The following MARCHF7 variants were observed in gnomAD, a reference collection of about 807,000 sequenced individuals.
MARCHF7 encodes the protein membrane associated ring-CH-type finger 7.
Under a neutral mutation model 76.5 loss-of-function variants are expected in MARCHF7, and 20 were observed. The ratio of observed to expected loss-of-function variants is 0.26; its 90% CI spans 0.18 to 0.38. MARCHF7 has a LOEUF of 0.38. Ranked by LOEUF, MARCHF7 falls within the 10% of genes least tolerant of loss-of-function variation. The probability of loss-of-function intolerance (pLI) is 1.00; values close to 1 mark genes in which losing one functional copy is unlikely to be tolerated. For synonymous variants in MARCHF7, 295 were observed against 293.0 expected, an observed-to-expected ratio of 1.01 and a Z score of -0.07; for missense variants, 797 against 812.9, an observed-to-expected ratio of 0.98 and a Z score of 0.24.
At chr2:159,720,260 G>A (rs372350405) in intron 3 of MARCHF7, among the ~76,000 whole-genome samples, 2 of 152,140 alleles carry the variant, frequency 1.3e-5, no homozygotes, top group Non-Finnish European at 2.9e-5. Context: ...TCATGACCTC[G>A]TGATCCTCCT....
intron 9 of MARCHF7, among the ~76,000 whole-genome samples, chr2:159,761,701 C>T (rs1035684882): frequency 9.2e-5 from 14 of 152,200 alleles, no homozygotes; most frequent in Admixed American, 1.3e-4. Flanking sequence ...CGTGAGCCAC[C>T]GCACATGGCC....
chr2:159,726,355 C>T (rs1306396012), intron 3 of MARCHF7, among the ~76,000 whole-genome samples: 2 of 152,076 alleles, frequency 1.3e-5, no homozygotes, highest in Non-Finnish European at 2.9e-5. Flanking sequence ...CTCCGCCTCC[C>T]GGGTTCACGC....
At chr2:159,745,142 A>T (rs1335649409) in intron 5 of MARCHF7, among the ~76,000 whole-genome samples, 1 of 152,100 alleles carries the variant, frequency 6.6e-6, no homozygotes. Context: ...CAAGATTTAC[A>T]TTTTTGTTCT....
rs548238450 is a variant in MARCHF7, at chr2:159,734,756, G to C, written c.153+5581G>C. 4.6e-5 allele frequency among the ~76,000 whole-genome samples: 7 copies of C among 150,564 alleles called. No homozygotes were observed. The East Asian group carries it at 1.4e-3, about 29-fold the overall frequency. The stretch of plus-strand genomic sequence containing the variant: ...GGAGGCCAAGGTGGGAGGGTCACTT[G>C]TGGCCAGGAGTTCGAGACCAGTCTG... On this transcript the variant is annotated intron_variant, in intron 4 of 11. Transcript: ENST00000409175.
At chr2:159,727,087 A>G (rs965919490) in intron 3 of MARCHF7, among the ~76,000 whole-genome samples, 4 of 152,248 alleles carry the variant, frequency 2.6e-5, no homozygotes, top group South Asian at 4.1e-4. Context: ...CCTGTTCTTG[A>G]GTGATGCATA....
At chr2:159,714,133 G>T (rs1465222851) in intron 1 of MARCHF7, among the ~76,000 whole-genome samples, 1 of 152,086 alleles carries the variant, frequency 6.6e-6, no homozygotes, top group Non-Finnish European at 1.5e-5. Context: ...TTTTTAGTCC[G>T]CTCCATACCC....
rs1705111924 is a variant in MARCHF7 at position 159,747,993 on chromosome 2, C to T, written c.703C>T (p.Arg235Ter). 1 of 1,613,882 alleles carries T rather than the reference C, an allele frequency of 6.2e-7. No individual in the cohort carries two copies. The highest frequency in any genetic ancestry group is 1.3e-5 in the African/African-American group (1 of 74,870). Residue 235 changes from arginine (R) to a stop codon, truncating the protein, a stop_gained, in exon 7 of 12, where the codon CGA (arginine) becomes TGA (stop). Transcript: ENST00000409175. LOFTEE classifies it high-confidence loss of function. ...TTCTTCAAGAGAATCAGAATCTTCC[C>T]GAAGCAATACGCAGCCTGGATTTTC... Reference protein sequence around the residue: ...NFSSRESESSRSNTQPGFSYS... With the variant: ...NFSSRESESS
chr2:159,746,662 A>G (rs1704932657), intron 6 of MARCHF7, among the ~76,000 whole-genome samples: 1 of 152,162 alleles, frequency 6.6e-6, no homozygotes, highest in Non-Finnish European at 1.5e-5. Context: ...CAGCCTCCCA[A>G]AGTGTTGAGA....
Position 159,741,672 on chromosome 2 carries a change from T to C in MARCHF7, c.154-1389T>C, listed in dbSNP as rs1704141993. Among the ~76,000 whole-genome samples, 3 of 152,260 alleles carry C rather than the reference T, an allele frequency of 2.0e-5. No individual in the cohort carries two copies. The South Asian group carries it at 6.2e-4, about 32-fold the overall frequency. On this transcript the variant is annotated intron_variant, in intron 4 of 11. Transcript: ENST00000409175. ...TGTAGACTGAAATTATGGCCCATGA[T>C]GCATTCCATTTTAACTCTTTTGTTA...
At position 159,729,140 on chromosome 2, in the gene MARCHF7, A is replaced by G. The variant is rs1283069053; in HGVS notation, c.118A>G (p.Arg40Gly). ...GSSLNDTYHS[R>G]DSSFRLDSEY... The stretch of plus-strand genomic sequence containing the variant: ...TAGTTTAAATGATACCTATCACTCA[A>G]GAGACTCTTCATTTAGATTGGATTC... Residue 40 changes from arginine to glycine, a missense_variant, in exon 4 of 12, where the codon AGA becomes GGA. Arg to Gly is a moderately radical substitution (Grantham distance 125). Transcript: ENST00000409175. The G allele has an allele frequency of 1.2e-6, 2 of 1,608,510 alleles. No homozygotes were observed. Among genetic ancestry groups the G allele is most frequent in the Non-Finnish European group, 1.7e-6 (2 of 1,177,924 alleles).
intron 6 of MARCHF7, 133 bp from the exon 7 acceptor site, chr2:159,747,672 A>G: frequency 7.7e-6 from 6 of 774,828 alleles, no homozygotes; most frequent in Non-Finnish European, 1.2e-5. Context: ...CTATAATAAT[A>G]GTAAACTCTG....
intron 8 of MARCHF7, among the ~76,000 whole-genome samples, chr2:159,753,457 G>A (rs1306849132): frequency 6.6e-6 from 1 of 151,866 alleles, no homozygotes; most frequent in Admixed American, 6.6e-5. Context: ...TGTAGTCCCA[G>A]CTAGAATGGC....
At chr2:159,730,467 CAA>C (rs1026995093) in intron 4 of MARCHF7, among the ~76,000 whole-genome samples, 69 of 152,174 alleles carry the variant, frequency 4.5e-4, no homozygotes, top group African/African-American at 1.5e-3. Context: ...AAAAACAAAA[CAA>C]AACAAAAAAT....
At chr2:159,731,448 A>G (rs188667629) in intron 4 of MARCHF7, among the ~76,000 whole-genome samples, 222 of 152,278 alleles carry the variant, frequency 1.5e-3, no homozygotes, top group Non-Finnish European at 2.6e-3. Flanking sequence ...TTAATGTTGT[A>G]GATTATTCAA....
rs1700955321 is a variant in MARCHF7, at chr2:159,715,698, A to C, written c.-83A>C. 1 of 152,140 alleles carries C rather than the reference A, an allele frequency of 6.6e-6. No homozygotes were observed. 9.4% of individuals were successfully genotyped at this position (152,140 alleles called of 1,614,324 possible). On this transcript the variant is annotated 5_prime_UTR_variant, in exon 3 of 12. An upstream open reading frame in the 5' UTR loses its in-frame stop. Transcript: ENST00000409175. The stretch of plus-strand genomic sequence containing the variant: ...ATTTTCAGCTTTCTGCCCTGGCATG[A>C]ACTTACATGGTCAGAGCTGGTTTTT...
chr2:159,734,797 C>A (rs764767240), intron 4 of MARCHF7, among the ~76,000 whole-genome samples: 78 of 148,458 alleles, frequency 5.3e-4, no homozygotes, highest in Non-Finnish European at 8.8e-4. Context: ...CATAGTGGGA[C>A]CCCTCTCTAA....
At chr2:159,752,593 T>G in intron 8 of MARCHF7, 22 bp downstream of exon 8, 2 of 1,436,322 alleles carry the variant, frequency 1.4e-6, no homozygotes, top group Non-Finnish European at 1.8e-6. Flanking sequence ...CCTTTTGTGT[T>G]TTCACAATTT....
chr2:159,764,212 T>TTGTGTGTGTGTGTGTG lies in MARCHF7; in HGVS notation c.2008-385_2008-370dup, dbSNP rs377705664. Among the ~76,000 whole-genome samples, 38 of 138,636 alleles carry TTGTGTGTGTGTGTGTG rather than the reference T, an allele frequency of 2.7e-4. 1 individual carries two copies. The highest frequency in any genetic ancestry group is 1.0e-3 in the African/African-American group (37 of 35,620). The allele number at this position is 138,636 out of a possible 152,430, so 91.0% of individuals were successfully genotyped here. On this transcript the variant is annotated intron_variant, in intron 10 of 11. Transcript: ENST00000409175. ...AGGAAAATATTGGTTCTTGGGAGTT[T>TTGTGTGTGTGTGTGTG]TGTGTGTGTGTGTGTGTGTGTGTGT...
At chr2:159,715,385 G>A (rs570139653) in intron 2 of MARCHF7, among the ~76,000 whole-genome samples, 2 of 151,878 alleles carry the variant, frequency 1.3e-5, no homozygotes, top group Non-Finnish European at 2.9e-5. Flanking sequence ...TTGTGTGTGT[G>A]AGTGTGTGAC....
Sources: allele counts gnomAD v4.1 joint callset (sites outside exome capture counted in the v4.1 genomes callset), GRCh38; gene constraint gnomAD v4.1.1; transcripts MANE v1.5; gene names NCBI Gene and HGNC (gene_info 2026-07-23, HGNC 2026-07-21).